Variants in FBXL13 observed in about 807,000 individuals in gnomAD.
FBXL13 encodes F-box and leucine-rich repeat protein 13.
Under a neutral mutation model 83.6 loss-of-function variants are expected in FBXL13, and 67 were observed. The ratio of observed to expected loss-of-function variants is 0.80; its 90% CI spans 0.66 to 0.98. The LOEUF (loss-of-function observed/expected upper bound fraction) is 0.98, where lower values mean the gene tolerates loss of function less well. Ranked by LOEUF, FBXL13 falls within the 50% of genes least tolerant of loss-of-function variation. The pLI is 0.00. For missense variants in FBXL13, 822 were observed against 866.5 expected (o/e 0.95, Z 0.64); for synonymous variants, 272 against 299.5 (o/e 0.91, Z 0.95).
At chr7:102,853,491 A>G (rs1457747115) in intron 17 of FBXL13, among the ~76,000 whole-genome samples, 1 of 152,232 alleles carries the variant, frequency 6.6e-6, no homozygotes, top group Non-Finnish European at 1.5e-5. Flanking sequence ...CACCAAAAGC[A>G]ATGGCAACAA....
At chr7:102,942,256 G>A in intron 8 of FBXL13, 1 of 1,557,678 alleles carries the variant, frequency 6.4e-7, no homozygotes, top group South Asian at 1.2e-5. Flanking sequence ...ATGACCTAAA[G>A]AAGTTTTAAA....
rs954747333 is a variant in FBXL13 at position 103,008,560 on chromosome 7, T to C, written c.495+16503A>G. Among the ~76,000 whole-genome samples the C allele has an allele frequency of 8.6e-5, 13 of 151,852 alleles. 1 individual carries two copies. The highest frequency in any genetic ancestry group is 1.6e-4 in the Non-Finnish European group (11 of 67,950). The stretch of plus-strand genomic sequence containing the variant: ...GTATGCTGGATAAAATATAATTGAC[T>C]TTTTTTTTCTTTTGTGAGACAGAGA... On this transcript the variant is annotated intron_variant, in intron 6 of 19. Coordinates refer to ENST00000313221, the Ensembl canonical transcript of FBXL13.
intron 6 of FBXL13, among the ~76,000 whole-genome samples, chr7:102,972,519 A>G (rs189581438): frequency 1.3e-5 from 2 of 152,232 alleles, no homozygotes; most frequent in Admixed American, 1.3e-4. Context: ...AAGTAGAAAA[A>G]AGGGGGTAGA....
At chr7:102,881,896 C>T (rs1418945930) in intron 14 of FBXL13, among the ~76,000 whole-genome samples, 1 of 152,176 alleles carries the variant, frequency 6.6e-6, no homozygotes, top group Non-Finnish European at 1.5e-5. Flanking sequence ...CATTCCAAAC[C>T]CTTATATCTC....
chr7:102,884,918 T>C (rs556789145), intron 11 of FBXL13, among the ~76,000 whole-genome samples: 8 of 152,356 alleles, frequency 5.3e-5, no homozygotes, highest in African/African-American at 1.9e-4. Context: ...CTGGCTTCTT[T>C]CACTTAGTGT....
chr7:102,886,860 A>G (rs1366254457), intron 11 of FBXL13, among the ~76,000 whole-genome samples: 1 of 152,186 alleles, frequency 6.6e-6, no homozygotes, highest in Non-Finnish European at 1.5e-5. Flanking sequence ...CCTTGAAACC[A>G]GGGGCTGAGC....
chr7:103,074,495 T>G, exon 1 of FBXL13: 1 of 1,163,538 alleles, frequency 8.6e-7, no homozygotes, highest in Non-Finnish European at 1.1e-6. Context: ...CATCACCCTC[T>G]GTTTTCTCTC....
chr7:102,913,267 A>C (rs767967757), intron 10 of FBXL13, 52 bp from the exon 12 acceptor site: 6 of 1,608,394 alleles, frequency 3.7e-6, no homozygotes, highest in Non-Finnish European at 4.2e-6. Context: ...TTGTTCTCTC[A>C]AATCTTTCTT....
chr7:102,888,328 G>A (rs996603935), intron 11 of FBXL13, among the ~76,000 whole-genome samples: 1 of 152,224 alleles, frequency 6.6e-6, no homozygotes, highest in African/African-American at 2.4e-5. Flanking sequence ...CACGAGGTCA[G>A]GAGATTGAGA....
rs78829864 is a variant in FBXL13, at chr7:102,890,080, C to T, written c.1009-5768G>A. 3.8e-3 allele frequency among the ~76,000 whole-genome samples: 577 copies of T among 152,264 alleles called. 5 individuals are homozygous for T. The highest frequency in any genetic ancestry group is 0.014 in the African/African-American group (570 of 41,554). On this transcript the variant is annotated intron_variant, in intron 11 of 19. Coordinates refer to ENST00000313221, the Ensembl canonical transcript of FBXL13. The stretch of plus-strand genomic sequence containing the variant: ...AGTACTTAGTTTCCTACACAGTTTA[C>T]ATTAGAATATCCAAAAAGATATTTG...
At chr7:103,037,954 G>A (rs1215238869) in intron 2 of FBXL13, among the ~76,000 whole-genome samples, 3 of 152,110 alleles carry the variant, frequency 2.0e-5, no homozygotes, top group South Asian at 2.1e-4. Context: ...TGGTTGGACA[G>A]TGGGTGCAGC....
In FBXL13 at chr7:102,826,724, C is replaced by CTCATATATAT. The variant is rs1465698757; in HGVS notation, c.1855-4522_1855-4521insATATATATGA. Among the ~76,000 whole-genome samples the CTCATATATAT allele has an allele frequency of 1.4e-4, 9 of 62,712 alleles. 1 individual carries two copies. The highest frequency in any genetic ancestry group is 4.1e-4 in the African/African-American group (9 of 21,800). The allele number at this position is 62,712 out of a possible 152,430, so 41.1% of individuals were successfully genotyped here. On this transcript the variant is annotated intron_variant, in intron 18 of 19. Transcript: ENST00000313221. ...TGGGAGACAGAGTGAGACCCTGTCT[C>CTCATATATAT]ATATATATATATATATATATATATA...
intron 1 of FBXL13, among the ~76,000 whole-genome samples, chr7:103,061,937 CA>C (rs768909275): frequency 3.2e-3 from 112 of 34,820 alleles, no homozygotes; most frequent in African/African-American, 4.8e-3. Context: ...GACTGCGTCT[CA>C]AAAAAAAAAA....
chr7:102,979,728 G>C lies in FBXL13; in HGVS notation c.496-11611C>G, dbSNP rs1051527310. ...CTTTGCATGCCTGAAATATTTTATTGAATAATCTCACTTTTTAATAAAAAT... is the reference window on the plus strand; with the variant it reads ...CTTTGCATGCCTGAAATATTTTATTCAATAATCTCACTTTTTAATAAAAAT... On this transcript the variant is annotated intron_variant, in intron 6 of 19. Transcript: ENST00000313221. Among the ~76,000 whole-genome samples the C allele has an allele frequency of 2.0e-5, 3 of 152,120 alleles. No homozygotes were observed. The South Asian group carries it at 6.2e-4, about 32-fold the overall frequency.
chr7:102,892,030 G>C (rs544639285), intron 11 of FBXL13, among the ~76,000 whole-genome samples: 1 of 152,240 alleles, frequency 6.6e-6, no homozygotes, highest in African/African-American at 2.4e-5. Context: ...TGCTCACCCA[G>C]GTCCAAGACC....
chr7:103,054,048 T>C (rs898603096), intron 2 of FBXL13, among the ~76,000 whole-genome samples: 1 of 152,102 alleles, frequency 6.6e-6, no homozygotes. Flanking sequence ...CCAACTTCAG[T>C]AGCAACTCCA....
chr7:102,933,848 T>C, intron 8 of FBXL13: 7 of 1,462,914 alleles, frequency 4.8e-6, no homozygotes, highest in Non-Finnish European at 6.4e-6. Flanking sequence ...CAGACTTGGA[T>C]TTCAAAGGAA....
At chr7:103,053,317 T>C (rs1210281569) in intron 2 of FBXL13, among the ~76,000 whole-genome samples, 1 of 151,724 alleles carries the variant, frequency 6.6e-6, no homozygotes, top group African/African-American at 2.4e-5. Flanking sequence ...CATGCCCAAC[T>C]AATTTTTGTA....
intron 1 of FBXL13, among the ~76,000 whole-genome samples, chr7:103,068,485 T>C (rs1263421079): frequency 6.6e-6 from 1 of 152,290 alleles, no homozygotes; most frequent in East Asian, 1.9e-4. Context: ...ATGACCCTGC[T>C]ACAACAACTA....
Sources: gnomAD v4.1 joint callset for allele counts (sites outside exome capture counted in the v4.1 genomes callset) on GRCh38, gnomAD v4.1.1 for gene constraint, MANE v1.5 for transcripts, NCBI Gene and HGNC (gene_info 2026-07-23, HGNC 2026-07-21) for gene names.